Variants in SSBP4 observed in about 807,000 individuals in gnomAD.
The protein encoded by SSBP4 is single stranded DNA binding protein 4, also known as single-stranded DNA-binding protein 4.
SSBP4 carries 33 observed loss-of-function variants against 64.6 expected under a neutral mutation model. That is an observed-to-expected ratio of 0.51 (90% CI 0.39 to 0.68). SSBP4 has a LOEUF of 0.68. SSBP4 is among the 30% of genes least tolerant of loss of function. The probability of loss-of-function intolerance (pLI) is 0.00; values close to 1 mark genes in which losing one functional copy is unlikely to be tolerated. For missense variants in SSBP4, 583 were observed against 566.8 expected (o/e 1.03, Z -0.29); for synonymous variants, 243 against 224.0 (o/e 1.08, Z -0.76).
At position 18,433,723 on chromosome 19, in the gene SSBP4, C is replaced by A. The variant is rs955168458; in HGVS notation, c.1034C>A (p.Ala345Asp). The stretch of plus-strand genomic sequence containing the variant: ...GGCCGCCCCCAGAGTTCCCCCGGCG[C>A]CGTGGCCGGCCTGAGCAACGCCCCG... ...MDGLPKSSPG[A>D]VAGLSNAPGT... The change falls in exon 17 of 18, where the codon GCC (alanine) becomes GAC (aspartate). Residue 345 changes from alanine to aspartate, a missense_variant. Ala to Asp is a moderately radical substitution (Grantham distance 126, BLOSUM62 -2). Transcript: ENST00000270061. The A allele has an allele frequency of 1.1e-5, 16 of 1,425,968 alleles. No homozygotes were observed. The African/African-American group carries it at 2.0e-4, about 18-fold the overall frequency. 88.3% of individuals were successfully genotyped at this position (1,425,968 alleles called of 1,614,324 possible).
chr19:18,412,073 G>A, the SSBP4 span, among the ~76,000 whole-genome samples: 30 of 152,054 alleles, frequency 2.0e-4, no homozygotes, highest in Non-Finnish European at 3.5e-4. Flanking sequence ...GCTGAGCTGC[G>A]AGGATCGCTT....
At chr19:18,433,370 G>T (rs1004464863) in intron 15 of SSBP4, 157 bp downstream of exon 15, 1 of 1,271,744 alleles carries the variant, frequency 7.9e-7, no homozygotes, top group African/African-American at 1.5e-5. Context: ...CCCCGAGCTG[G>T]AGGGGGATCC....
intron 1 of SSBP4, among the ~76,000 whole-genome samples, chr19:18,421,654 C>T (rs1434835099): frequency 6.6e-6 from 1 of 152,180 alleles, no homozygotes; most frequent in Non-Finnish European, 1.5e-5. Context: ...AGGTGGAGGG[C>T]ACAGCAAGTG....
intron 4 of SSBP4, among the ~76,000 whole-genome samples, chr19:18,428,997 G>C (rs1973089556): frequency 6.6e-6 from 1 of 152,216 alleles, no homozygotes; most frequent in Non-Finnish European, 1.5e-5. Context: ...CAGGAGGGCG[G>C]AGCTGGAGAG....
Position 18,427,784 on chromosome 19 carries a change from G to A in SSBP4, c.165G>A (p.Glu55=), listed in dbSNP as rs549009589. The change falls in exon 3 of 18, where the codon GAG becomes GAA. Residue 55 remains glutamate, a synonymous_variant. Coordinates refer to ENST00000270061, the MANE Select transcript of SSBP4 (RefSeq NM_032627.5). The surrounding 1 kb of genome is among the most constrained non-coding windows in gnomAD (Gnocchi z 4.4). ...GGGAGAAGAACATCACGCTGGGGGA[G>A]CCCCCTGGGTTCCTGCACTCCTGGT... ...IRWEKNITLG[E]PPGFLHSWWC... The A allele has an allele frequency of 5.1e-5, 82 of 1,605,030 alleles. No individual in the cohort carries two copies. The South Asian group carries it at 8.3e-4, about 16-fold the overall frequency.
At position 18,430,936 on chromosome 19, in the gene SSBP4, G is replaced by A. The variant is rs745687439; in HGVS notation, c.369+6G>A. On this transcript the variant is annotated splice_donor_region_variant and intron_variant, in intron 5 of 17. Coordinates refer to ENST00000270061, the MANE Select transcript of SSBP4 (RefSeq NM_032627.5). ...TGGCGGCTGGCTTCTTCCAGGTATGGCCCCGGCTGGAGTCCACTGGCCCCC... is the reference window on the plus strand; with the variant it reads ...TGGCGGCTGGCTTCTTCCAGGTATGACCCCGGCTGGAGTCCACTGGCCCCC... 2 of 1,610,998 alleles carry A rather than the reference G, an allele frequency of 1.2e-6. No individual in the cohort carries two copies. The highest frequency in any genetic ancestry group is 4.5e-5 in the East Asian group (2 of 44,862).
chr19:18,413,988 G>C (rs1972112688), upstream of SSBP4, among the ~76,000 whole-genome samples: 1 of 152,072 alleles, frequency 6.6e-6, no homozygotes, highest in Non-Finnish European at 1.5e-5. Context: ...CTGCACTCCA[G>C]CCTGGGCAAC....
chr19:18,418,692 G>C (rs1568340431), upstream of SSBP4, among the ~76,000 whole-genome samples: 1 of 152,250 alleles, frequency 6.6e-6, no homozygotes, highest in Non-Finnish European at 1.5e-5. The surrounding 1 kb of genome is among the most constrained non-coding windows in gnomAD (Gnocchi z 6.7). Flanking sequence ...GGGACGCTGA[G>C]TGTCCGCAGG....
At chr19:18,410,945 G>T in the SSBP4 span, among the ~76,000 whole-genome samples, 8 of 152,300 alleles carry the variant, frequency 5.3e-5, no homozygotes, top group African/African-American at 1.9e-4. Flanking sequence ...ATGCCAGAAA[G>T]TGTTATAAGC....
chr19:18,430,934 T>C lies in SSBP4; in HGVS notation c.369+4T>C. ...CATGGCGGCTGGCTTCTTCCAGGTA[T>C]GGCCCCGGCTGGAGTCCACTGGCCC... On this transcript the variant is annotated splice_donor_region_variant and intron_variant, in intron 5 of 17. Coordinates refer to ENST00000270061, the MANE Select transcript of SSBP4 (RefSeq NM_032627.5). 4 of 1,611,170 alleles carry C rather than the reference T, an allele frequency of 2.5e-6. No homozygotes were observed. The highest frequency in any genetic ancestry group is 3.4e-6 in the Non-Finnish European group (4 of 1,179,734).
the SSBP4 span, among the ~76,000 whole-genome samples, chr19:18,404,091 T>TG: frequency 6.6e-6 from 1 of 151,576 alleles, no homozygotes; most frequent in South Asian, 2.1e-4. Flanking sequence ...CAGAAACACT[T>TG]GGGGGCCACC....
rs1265575218 is a variant in SSBP4 at position 18,432,572 on chromosome 19, C to T, written c.718C>T (p.Arg240Cys). The change falls in exon 11 of 18, where the codon CGT becomes TGT. Residue 240 changes from arginine (R) to cysteine (C), a missense_variant. By Grantham distance (180) the Arg-to-Cys change is radical. Coordinates refer to ENST00000270061, the MANE Select transcript of SSBP4 (RefSeq NM_032627.5). Reference protein sequence around the residue: ...LPAMNMGPGVRGPWASPSGNS... With the variant: ...LPAMNMGPGVCGPWASPSGNS... ...GGTCTCTTCCAGGGGCCCAGGAGTT[C>T]GTGGCCCGTGGGCCAGCCCCAGTGG... 2 of 1,334,158 alleles carry T rather than the reference C, an allele frequency of 1.5e-6. No homozygotes were observed. Among genetic ancestry groups the T allele is most frequent in the Admixed American group, 2.1e-5 (1 of 47,366 alleles). The allele number at this position is 1,334,158 out of a possible 1,614,324, so 82.6% of individuals were successfully genotyped here.
the SSBP4 span, among the ~76,000 whole-genome samples, chr19:18,408,645 A>G: frequency 1.3e-5 from 2 of 152,038 alleles, no homozygotes; most frequent in Admixed American, 1.3e-4. Flanking sequence ...GGCGCCCGCC[A>G]TCGCACCCGG....
chr19:18,427,610 CCA>C lies in SSBP4; in HGVS notation c.133-137_133-136del. ...GGTCCACATGCCCAGCCGGGACCTG[CCA>C]CACATCCTGGGGCCCTCTGCCCACC... On this transcript the variant is annotated intron_variant, in intron 2 of 17. Coordinates refer to ENST00000270061, the MANE Select transcript of SSBP4 (RefSeq NM_032627.5). The surrounding 1 kb of genome is among the most constrained non-coding windows in gnomAD (Gnocchi z 4.4). 8.4e-7 allele frequency: 1 copy of C among 1,196,798 alleles called. No individual in the cohort carries two copies. The allele number at this position is 1,196,798 out of a possible 1,614,324, so 74.1% of individuals were successfully genotyped here.
chr19:18,431,670 A>AG lies in SSBP4; in HGVS notation c.464dup (p.Arg157ProfsTer122). On this transcript the variant is annotated frameshift_variant, in exon 7 of 18. Transcript: ENST00000270061. LOFTEE classifies it high-confidence loss of function. ...AGCCCTTCATGTCACCGCGCTTCCC[A>AG]GGGGGCCCCCGGCCCACCCTGCGGA... 6.4e-7 allele frequency: 1 copy of AG among 1,552,936 alleles called. No homozygotes were observed. Among genetic ancestry groups the AG allele is most frequent in the Non-Finnish European group, 8.7e-7 (1 of 1,148,836 alleles).
chr19:18,421,941 A>C (rs1972493643), intron 1 of SSBP4, among the ~76,000 whole-genome samples: 1 of 152,098 alleles, frequency 6.6e-6, no homozygotes, highest in Non-Finnish European at 1.5e-5. Flanking sequence ...TGGGTGGATC[A>C]TTTGAGGTCA....
chr19:18,415,655 C>G (rs1972126227), upstream of SSBP4, among the ~76,000 whole-genome samples: 1 of 152,140 alleles, frequency 6.6e-6, no homozygotes, highest in Non-Finnish European at 1.5e-5. Flanking sequence ...AGGAGGAACC[C>G]TTGGCCAAAG....
chr19:18,430,148 A>G (rs1429586312), intron 4 of SSBP4, among the ~76,000 whole-genome samples: 1 of 151,708 alleles, frequency 6.6e-6, no homozygotes, highest in Non-Finnish European at 1.5e-5. Context: ...GCCAGGAGAG[A>G]AGTTCTCCCC....
rs756282295 is a variant in SSBP4, at chr19:18,431,789, G to A, written c.496-4G>A. On this transcript the variant is annotated splice_polypyrimidine_tract_variant and splice_region_variant and intron_variant, in intron 7 of 17. Transcript: ENST00000270061. ...CACTCAGTGCCGCCGCACCCCCTCC[G>A]CAGCCTCCCGCAGGCCTCCCTGGCT... The A allele has an allele frequency of 1.7e-5, 26 of 1,551,088 alleles. No individual in the cohort carries two copies. The highest frequency in any genetic ancestry group is 1.7e-4 in the Middle Eastern group (1 of 5,954).
Sources: allele counts gnomAD v4.1 joint callset (sites outside exome capture counted in the v4.1 genomes callset), GRCh38; gene constraint gnomAD v4.1.1; non-coding constraint Gnocchi (gnomAD v3.1); transcripts MANE v1.5; gene names NCBI Gene and HGNC (gene_info 2026-07-23, HGNC 2026-07-21).